SUPT3H: variants seen among roughly 807,000 people sequenced by gnomAD.
SUPT3H encodes transcription initiation protein SPT3 homolog.
A neutral mutation model predicts 44.3 loss-of-function variants in SUPT3H; 44 were observed. That is an observed-to-expected ratio of 0.99 (90% CI 0.78 to 1.28). The LOEUF (loss-of-function observed/expected upper bound fraction) is 1.28, where lower values mean the gene tolerates loss of function less well. Ranked by LOEUF, SUPT3H falls within the 50% of genes most tolerant of loss-of-function variation. SUPT3H has a pLI of 0.00. For missense variants in SUPT3H, 380 were observed against 387.1 expected, an observed-to-expected ratio of 0.98 and a Z score of 0.15; for synonymous variants, 124 against 125.6, an observed-to-expected ratio of 0.99 and a Z score of 0.09.
intron 3 of SUPT3H, among the ~76,000 whole-genome samples, chr6:45,036,755 T>C (rs1372091755): frequency 6.6e-6 from 1 of 152,202 alleles, no homozygotes; most frequent in Non-Finnish European, 1.5e-5. Context: ...ACTCATGGAC[T>C]CTTTCTCAGG....
At chr6:44,850,217 G>A (rs1261018538) in intron 10 of SUPT3H, among the ~76,000 whole-genome samples, 2 of 152,128 alleles carry the variant, frequency 1.3e-5, no homozygotes, top group Non-Finnish European at 2.9e-5. Context: ...ATGATTTAAG[G>A]AGGCCTAAGG....
intron 2 of SUPT3H, among the ~76,000 whole-genome samples, chr6:45,201,491 A>G (rs1762449461): frequency 6.6e-6 from 1 of 151,802 alleles, no homozygotes. Flanking sequence ...TTAATATATC[A>G]ACACACTCTG....
intron 2 of SUPT3H, among the ~76,000 whole-genome samples, chr6:45,181,628 A>G (rs1194855470): frequency 1.3e-5 from 2 of 149,730 alleles, no homozygotes; most frequent in African/African-American, 4.9e-5. Flanking sequence ...AAAAAACCAA[A>G]CACCGCATAT....
At chr6:45,282,689 A>C (rs1325051480) in intron 2 of SUPT3H, among the ~76,000 whole-genome samples, 1 of 152,232 alleles carries the variant, frequency 6.6e-6, no homozygotes. Context: ...GAACTTCCCC[A>C]ATCTAGCAAG....
chr6:45,064,239 C>T (rs1008030573), intron 3 of SUPT3H, among the ~76,000 whole-genome samples: 7 of 144,324 alleles, frequency 4.9e-5, no homozygotes, highest in Non-Finnish European at 7.6e-5. Flanking sequence ...AAATAAAATA[C>T]TTCACAGACA....
intron 2 of SUPT3H, among the ~76,000 whole-genome samples, chr6:45,138,301 A>G (rs959844345): frequency 6.6e-6 from 1 of 152,142 alleles, no homozygotes; most frequent in African/African-American, 2.4e-5. Flanking sequence ...ACATTTTCTT[A>G]ATATGTTAAA....
chr6:45,310,018 C>G (rs1366880809), intron 2 of SUPT3H, among the ~76,000 whole-genome samples: 5 of 152,152 alleles, frequency 3.3e-5, no homozygotes, highest in East Asian at 3.9e-4. Flanking sequence ...CTCAAATACT[C>G]TGGGAAGTGG....
chr6:45,208,740 AAC>A (rs1491077789), intron 2 of SUPT3H, among the ~76,000 whole-genome samples: 9 of 49,484 alleles, frequency 1.8e-4, no homozygotes, highest in South Asian at 5.7e-4. Flanking sequence ...AAAAAAAACA[AAC>A]AAAAAAATTC....
At chr6:45,281,554 A>G (rs1259956599) in intron 2 of SUPT3H, among the ~76,000 whole-genome samples, 1 of 152,164 alleles carries the variant, frequency 6.6e-6, no homozygotes, top group Non-Finnish European at 1.5e-5. Context: ...AGGGGCGCCC[A>G]CCATTGCCGA....
chr6:44,974,518 T>C (rs939448757), intron 6 of SUPT3H, among the ~76,000 whole-genome samples: 19 of 152,296 alleles, frequency 1.2e-4, no homozygotes, highest in Non-Finnish European at 2.2e-4. Flanking sequence ...ACTATACACA[T>C]TGCCGTCCCT....
intron 2 of SUPT3H, among the ~76,000 whole-genome samples, chr6:45,154,218 A>G (rs1395995124): frequency 2.0e-5 from 3 of 152,122 alleles, no homozygotes; most frequent in Non-Finnish European, 2.9e-5. Context: ...ATTAATTCAC[A>G]TATTATTTAC....
intron 2 of SUPT3H, among the ~76,000 whole-genome samples, chr6:45,325,450 T>C (rs974586732): frequency 4.0e-5 from 6 of 151,894 alleles, no homozygotes; most frequent in African/African-American, 1.4e-4. Flanking sequence ...TTTTATTCAC[T>C]ACAAAGCAAT....
At chr6:44,933,530 G>A (rs1021063541) in intron 9 of SUPT3H, among the ~76,000 whole-genome samples, 3 of 152,088 alleles carry the variant, frequency 2.0e-5, no homozygotes, top group Non-Finnish European at 2.9e-5. Context: ...CTCGGGCCTC[G>A]GTTTCCTCAC....
intron 3 of SUPT3H, among the ~76,000 whole-genome samples, chr6:45,024,863 C>G (rs1373500245): frequency 6.6e-6 from 1 of 152,144 alleles, no homozygotes; most frequent in Non-Finnish European, 1.5e-5. Context: ...CAACTTCTGT[C>G]TGAATGCATA....
At chr6:45,187,310 G>A (rs1209102858) in intron 2 of SUPT3H, among the ~76,000 whole-genome samples, 1 of 151,672 alleles carries the variant, frequency 6.6e-6, no homozygotes, top group African/African-American at 2.4e-5. Flanking sequence ...AGCTACTCAG[G>A]AGGCTAAGGC....
chr6:44,864,584 C>G (rs978898251), intron 10 of SUPT3H, among the ~76,000 whole-genome samples: 30 of 152,350 alleles, frequency 2.0e-4, no homozygotes, highest in Non-Finnish European at 4.1e-4. Flanking sequence ...TGTGCACTGG[C>G]AGGCTCAACA....
chr6:44,948,002 T>A (rs1018089054), intron 9 of SUPT3H, among the ~76,000 whole-genome samples: 3 of 152,196 alleles, frequency 2.0e-5, no homozygotes, highest in African/African-American at 7.2e-5. Flanking sequence ...GGATCCAGTT[T>A]CAGCTTTCTA....
chr6:44,896,302 A>G (rs1764122426), intron 10 of SUPT3H, among the ~76,000 whole-genome samples: 1 of 152,166 alleles, frequency 6.6e-6, no homozygotes. Context: ...TCATCTGCAA[A>G]ATCATCATCA....
chr6:44,858,394 A>G (rs1774084930), intron 10 of SUPT3H, among the ~76,000 whole-genome samples: 1 of 152,182 alleles, frequency 6.6e-6, no homozygotes, highest in Non-Finnish European at 1.5e-5. Context: ...AGGAAGGTGC[A>G]TTTGTGCCAT....
Sources: gnomAD v4.1 joint callset for allele counts (sites outside exome capture counted in the v4.1 genomes callset) on GRCh38, gnomAD v4.1.1 for gene constraint, MANE v1.5 for transcripts, NCBI Gene and HGNC (gene_info 2026-07-23, HGNC 2026-07-21) for gene names.